Variants in GBE1 observed in about 807,000 individuals in gnomAD.
GBE1 encodes the protein 1,4-alpha-glucan branching enzyme 1, also known as 1,4-alpha-glucan-branching enzyme.
In GBE1, 70 loss-of-function variants were observed where a neutral mutation model predicts 88.8. The observed-to-expected ratio is 0.79, with a 90% CI of 0.65 to 0.96. GBE1 has a LOEUF of 0.96. GBE1 is among the 40% of genes least tolerant of loss of function. GBE1 has a pLI of 0.00. For synonymous variants in GBE1, 284 were observed against 300.1 expected (o/e 0.95, Z 0.56); for missense variants, 872 against 871.0 (o/e 1.00, Z -0.01).
chr3:81,569,996 G>T (rs757010155), intron 12 of GBE1, among the ~76,000 whole-genome samples: 34 of 151,774 alleles, frequency 2.2e-4, no homozygotes, highest in Non-Finnish European at 1.2e-4. Context: ...TGTATTTTTA[G>T]AAGAGATAGG....
At chr3:81,517,849 C>A (rs1458741151) in intron 14 of GBE1, among the ~76,000 whole-genome samples, 2 of 151,274 alleles carry the variant, frequency 1.3e-5, no homozygotes, top group East Asian at 3.9e-4. Context: ...GCTACATACT[C>A]CATTTATCCA....
intron 1 of GBE1, among the ~76,000 whole-genome samples, chr3:81,732,989 C>T (rs912222027): frequency 6.6e-6 from 1 of 152,142 alleles, no homozygotes; most frequent in Non-Finnish European, 1.5e-5. Context: ...CCTGAATACT[C>T]TAGGCCAGGG....
rs1704761439 is a variant in GBE1 at position 81,646,241 on chromosome 3, C to T, written c.782+151G>A. The T allele has an allele frequency of 1.1e-5, 7 of 608,936 alleles. No individual in the cohort carries two copies. In the East Asian group the frequency reaches 2.2e-4, roughly 19 times the overall value. 37.7% of individuals were successfully genotyped at this position (608,936 alleles called of 1,614,324 possible). A position where few individuals can be genotyped will look rare whatever the true frequency, so the allele number is the denominator to read the frequency against. ...TTCTAAGGCTGGAGGAGAAGAGAGT[C>T]TATGACCTTAGTAAAAGAAAATGTT... On this transcript the variant is annotated intron_variant, in intron 6 of 15. Transcript: ENST00000429644.
chr3:81,645,131 G>C (rs943612604), intron 6 of GBE1, among the ~76,000 whole-genome samples: 3 of 152,076 alleles, frequency 2.0e-5, no homozygotes, highest in Non-Finnish European at 4.4e-5. Flanking sequence ...CTTAAGTTTG[G>C]GAGTTAACAT....
intron 14 of GBE1, among the ~76,000 whole-genome samples, chr3:81,530,691 G>A (rs2106862746): frequency 6.6e-6 from 1 of 151,926 alleles, no homozygotes; most frequent in Admixed American, 6.6e-5. Context: ...ACTCTATCCT[G>A]AGCTGCCTGG....
intron 7 of GBE1, among the ~76,000 whole-genome samples, chr3:81,642,072 C>T: frequency 6.6e-6 from 1 of 151,282 alleles, no homozygotes; most frequent in East Asian, 1.9e-4. Flanking sequence ...GGTTTTTTAA[C>T]TTGTCTTTTT....
intron 12 of GBE1, among the ~76,000 whole-genome samples, chr3:81,544,242 G>A (rs766595384): frequency 6.6e-6 from 1 of 152,120 alleles, no homozygotes; most frequent in Admixed American, 6.5e-5. Flanking sequence ...ACAGATAAGA[G>A]GCTTAGAAAA....
chr3:81,543,910 G>A (rs1042323312), intron 12 of GBE1, among the ~76,000 whole-genome samples: 2 of 152,150 alleles, frequency 1.3e-5, no homozygotes, highest in Non-Finnish European at 2.9e-5. Flanking sequence ...GTACACATAT[G>A]TACATAATAC....
chr3:81,532,548 T>A (rs957504979), intron 14 of GBE1, among the ~76,000 whole-genome samples: 1 of 152,058 alleles, frequency 6.6e-6, no homozygotes, highest in Non-Finnish European at 1.5e-5. Flanking sequence ...CAATTTCTCA[T>A]AATTAATATC....
chr3:81,669,309 A>T (rs997794504), intron 3 of GBE1, among the ~76,000 whole-genome samples: 2 of 152,222 alleles, frequency 1.3e-5, no homozygotes, highest in African/African-American at 4.8e-5. Flanking sequence ...TCTCAAAAAA[A>T]TAAAAAGGAA....
At chr3:81,611,587 A>C (rs1225257185) in intron 7 of GBE1, among the ~76,000 whole-genome samples, 1 of 152,200 alleles carries the variant, frequency 6.6e-6, no homozygotes, top group East Asian at 1.9e-4. Context: ...TCCAAATACG[A>C]AATGAGCTAT....
At chr3:81,625,531 T>C (rs1473790848) in intron 7 of GBE1, among the ~76,000 whole-genome samples, 1 of 152,028 alleles carries the variant, frequency 6.6e-6, no homozygotes, top group Non-Finnish European at 1.5e-5. Flanking sequence ...CTCGGACTCT[T>C]GGGCTCAAGC....
At chr3:81,492,884 T>G (rs926032785) in intron 15 of GBE1, among the ~76,000 whole-genome samples, 1 of 152,020 alleles carries the variant, frequency 6.6e-6, no homozygotes, top group Non-Finnish European at 1.5e-5. Context: ...ATTACAGGCA[T>G]GCAACACCAC....
At chr3:81,630,151 A>T (rs1295283553) in intron 7 of GBE1, among the ~76,000 whole-genome samples, 1 of 152,136 alleles carries the variant, frequency 6.6e-6, no homozygotes, top group Non-Finnish European at 1.5e-5. Flanking sequence ...AGTCTTTGCT[A>T]TTGTGAATAG....
chr3:81,623,738 C>T (rs918175499), intron 7 of GBE1, among the ~76,000 whole-genome samples: 1 of 152,204 alleles, frequency 6.6e-6, no homozygotes, highest in African/African-American at 2.4e-5. Flanking sequence ...CCTGGCCTCA[C>T]TGCAGCCTCC....
At chr3:81,689,861 T>C (rs888760759) in intron 2 of GBE1, among the ~76,000 whole-genome samples, 4 of 152,156 alleles carry the variant, frequency 2.6e-5, no homozygotes, top group African/African-American at 9.7e-5. Context: ...TCTTCCTGGG[T>C]GGAACCAGGG....
rs750926041 is a variant in GBE1, at chr3:81,586,160, G to A, written c.1267C>T (p.Pro423Ser). 6.2e-7 allele frequency: 1 copy of A among 1,608,964 alleles called. No homozygotes were observed. Among genetic ancestry groups the A allele is most frequent in the Middle Eastern group, 1.7e-4 (1 of 6,052 alleles). Residue 423 changes from proline to serine, a missense_variant, in exon 10 of 16, where the codon CCA becomes TCA. Physicochemically the swap from Pro to Ser is moderately conservative, Grantham distance 74 (BLOSUM62 -1). Transcript: ENST00000429644. ...AAACCACCCCCTCCCTGGGAAATTGGAGAGCACAGAGCTGGCATTCCTGAT... is the reference window on the plus strand; with the variant it reads ...AAACCACCCCCTCCCTGGGAAATTGAAGAGCACAGAGCTGGCATTCCTGAT... ...DVSGMPALCSPISQGGGGFDY... is the reference protein window; with the variant it reads ...DVSGMPALCSSISQGGGGFDY...
chr3:81,534,891 C>T (rs1398959146), intron 14 of GBE1: 1 of 248,824 alleles, frequency 4.0e-6, no homozygotes, highest in Non-Finnish European at 7.6e-6. Context: ...ATGTGGGGAC[C>T]TGGAGAGCAG....
chr3:81,581,118 AAG>A (rs555859246), intron 11 of GBE1, 45 bp downstream of exon 11: 15,086 of 908,166 alleles, frequency 0.017, no homozygotes, highest in South Asian at 0.022. Context: ...GGGAAGGAGG[AAG>A]AGAGAGAGAG....
Sources: gnomAD v4.1 joint callset for allele counts (sites outside exome capture counted in the v4.1 genomes callset) on GRCh38, gnomAD v4.1.1 for gene constraint, MANE v1.5 for transcripts, NCBI Gene and HGNC (gene_info 2026-07-23, HGNC 2026-07-21) for gene names.